Variants in ATP10A observed in about 807,000 individuals in gnomAD.
The protein encoded by ATP10A is phospholipid-transporting ATPase VA.
In ATP10A, 111 loss-of-function variants were observed where a neutral mutation model predicts 147.8. The observed-to-expected ratio is 0.75, with a 90% CI of 0.64 to 0.88. ATP10A has a LOEUF of 0.88. Ranked by LOEUF, ATP10A falls within the 40% of genes least tolerant of loss-of-function variation. ATP10A has a pLI of 0.00. For synonymous variants in ATP10A, 875 were observed against 841.6 expected (o/e 1.04, Z -0.69); for missense variants, 1,927 against 1,959.0 (o/e 0.98, Z 0.31).
Position 25,718,068 on chromosome 15 carries a change from C to T in ATP10A, c.1581+114G>A, listed in dbSNP as rs1006745710. 19 of 1,161,056 alleles carry T rather than the reference C, an allele frequency of 1.6e-5. No individual in the cohort carries two copies. The East Asian group carries it at 3.4e-4, about 21-fold the overall frequency. 71.9% of individuals were successfully genotyped at this position (1,161,056 alleles called of 1,614,324 possible). A position where few individuals can be genotyped will look rare whatever the true frequency, so the allele number is the denominator to read the frequency against. The stretch of plus-strand genomic sequence containing the variant: ...AAGCTTCTGCTGAGTAGAGCCAAGC[C>T]GCCCAGCGACAGTGTATTTGTAGGA... On this transcript the variant is annotated intron_variant, in intron 8 of 20. Transcript: ENST00000555815.
At chr15:25,808,133 C>G (rs1891278317) in intron 1 of ATP10A, among the ~76,000 whole-genome samples, 1 of 152,178 alleles carries the variant, frequency 6.6e-6, no homozygotes, top group African/African-American at 2.4e-5. Context: ...AATATGAAAA[C>G]AGCATTGCCA....
At chr15:25,861,275 G>A (rs1444768699) in intron 1 of ATP10A, among the ~76,000 whole-genome samples, 1 of 152,140 alleles carries the variant, frequency 6.6e-6, no homozygotes, top group Admixed American at 6.5e-5. Context: ...TTTAACAAGC[G>A]CCTTCAGTGA....
intron 2 of ATP10A, among the ~76,000 whole-genome samples, chr15:25,769,141 A>C (rs953331880): frequency 2.6e-5 from 4 of 152,134 alleles, no homozygotes; most frequent in Admixed American, 2.0e-4. Flanking sequence ...TCTGCCCCAT[A>C]GTAAAATCCT....
In ATP10A at chr15:25,724,086, T is replaced by C. The variant is rs1197010525; in HGVS notation, c.980-65A>G. On this transcript the variant is annotated intron_variant, in intron 5 of 20. Transcript: ENST00000555815. ...GAAAAATAAGAATATTGCTAGCGTA[T>C]ATTAAAGCAAAACTTTAATATTTGT... The C allele has an allele frequency of 3.1e-5, 44 of 1,406,630 alleles. No individual in the cohort carries two copies. The South Asian group carries it at 3.2e-4, about 10-fold the overall frequency. The allele number at this position is 1,406,630 out of a possible 1,614,324, so 87.1% of individuals were successfully genotyped here.
rs545923183 is a variant in ATP10A, at chr15:25,775,915, T to C, written c.654+5104A>G. 4.6e-5 allele frequency among the ~76,000 whole-genome samples: 7 copies of C among 152,348 alleles called. No homozygotes were observed. In the South Asian group the frequency reaches 1.2e-3, roughly 27 times the overall value. ...ATTCCAACACTCATCTGACATTTCA[T>C]ATCCCTGTTTCTGCTTTCTCGTCTA... On this transcript the variant is annotated intron_variant, in intron 2 of 20. Coordinates refer to ENST00000555815, the MANE Select transcript of ATP10A (RefSeq NM_024490.4).
At chr15:25,828,863 T>A (rs186863399) in intron 1 of ATP10A, among the ~76,000 whole-genome samples, 73 of 152,350 alleles carry the variant, frequency 4.8e-4, no homozygotes, top group Admixed American at 9.1e-4. Flanking sequence ...TCGGGCACTG[T>A]GATCTTTGAC....
intron 12 of ATP10A, among the ~76,000 whole-genome samples, chr15:25,706,432 A>G (rs990124658): frequency 2.6e-5 from 4 of 152,182 alleles, no homozygotes; most frequent in Non-Finnish European, 1.5e-5. Context: ...CAAGAGCCCA[A>G]AACACTGGGA....
intron 1 of ATP10A, among the ~76,000 whole-genome samples, chr15:25,814,359 C>T (rs970292954): frequency 3.9e-5 from 6 of 152,196 alleles, no homozygotes; most frequent in African/African-American, 1.4e-4. Flanking sequence ...ATGGGCAGAC[C>T]TGTACCATGG....
intron 13 of ATP10A, among the ~76,000 whole-genome samples, chr15:25,695,925 A>G (rs1390322900): frequency 6.6e-6 from 1 of 152,016 alleles, no homozygotes; most frequent in Non-Finnish European, 1.5e-5. Flanking sequence ...CAATTCTGCC[A>G]GGAAAAGAAA....
At chr15:25,727,358 C>T (rs1902643652) in intron 3 of ATP10A, 92 bp from the exon 4 acceptor site, 4 of 1,168,574 alleles carry the variant, frequency 3.4e-6, no homozygotes, top group Non-Finnish European at 5.1e-6. Context: ...GGCCCTGACA[C>T]AATGAAAGCT....
chr15:25,722,920 C>T (rs574746923), intron 6 of ATP10A, among the ~76,000 whole-genome samples: 167 of 152,138 alleles, frequency 1.1e-3, no homozygotes, highest in African/African-American at 3.7e-3. Flanking sequence ...GGGAGGCATG[C>T]GAATTAATAA....
intron 16 of ATP10A, among the ~76,000 whole-genome samples, chr15:25,684,413 G>A (rs920576709): frequency 2.0e-5 from 3 of 152,226 alleles, no homozygotes; most frequent in African/African-American, 7.2e-5. Context: ...CTCAGCCAAT[G>A]CAGCTGCTGT....
At chr15:25,782,064 T>C (rs1002158524) in intron 1 of ATP10A, among the ~76,000 whole-genome samples, 5 of 152,230 alleles carry the variant, frequency 3.3e-5, no homozygotes, top group Admixed American at 1.3e-4. Context: ...CATGTATCCA[T>C]GAACAGGTGA....
intron 3 of ATP10A, among the ~76,000 whole-genome samples, chr15:25,729,045 GACAC>G (rs1168260527): frequency 6.6e-6 from 1 of 152,190 alleles, no homozygotes; most frequent in Non-Finnish European, 1.5e-5. Flanking sequence ...ACTCCACAAA[GACAC>G]ACACAAGAAC....
intron 9 of ATP10A, among the ~76,000 whole-genome samples, chr15:25,716,365 C>T (rs1901807224): frequency 6.6e-6 from 1 of 152,182 alleles, no homozygotes; most frequent in Admixed American, 6.5e-5. Context: ...CTGCCCCAGG[C>T]CAGGCAGCGA....
chr15:25,849,230 G>A (rs1014508054), intron 1 of ATP10A, among the ~76,000 whole-genome samples: 1 of 152,252 alleles, frequency 6.6e-6, no homozygotes, highest in Middle Eastern at 3.4e-3. Context: ...ACACAGAGGG[G>A]GCCGAGGGTG....
At chr15:25,786,474 T>G (rs919951815) in intron 1 of ATP10A, among the ~76,000 whole-genome samples, 1 of 151,148 alleles carries the variant, frequency 6.6e-6, no homozygotes, top group Non-Finnish European at 1.5e-5. Context: ...CCATGTAGTC[T>G]TTTGAACGAC....
chr15:25,863,272 C>CCGGCCCAGCGCGCCCAG lies in ATP10A; in HGVS notation c.-177_-176insCTGGGCGCGCTGGGCCG. 2 of 248,352 alleles carry CCGGCCCAGCGCGCCCAG rather than the reference C, an allele frequency of 8.1e-6. No individual in the cohort carries two copies. The highest frequency in any genetic ancestry group is 1.3e-5 in the Non-Finnish European group (2 of 151,314). 15.4% of individuals were successfully genotyped at this position (248,352 alleles called of 1,614,324 possible). ...CCCAGCGCGCCCAGCCCGCGCCCAG[C>CCGGCCCAGCGCGCCCAG]CCCGTCCACTCCCGTCCAGCCCCGC... On this transcript the variant is annotated 5_prime_UTR_variant, in exon 1 of 21. Coordinates refer to ENST00000555815, the MANE Select transcript of ATP10A (RefSeq NM_024490.4).
intron 9 of ATP10A, 60 bp from the exon 10 acceptor site, chr15:25,714,301 C>A: frequency 6.6e-7 from 1 of 1,521,904 alleles, no homozygotes; most frequent in Non-Finnish European, 8.9e-7. Context: ...AGAGGCCCCA[C>A]CCTGGTTCCC....
Sources: gnomAD v4.1 joint callset for allele counts (sites outside exome capture counted in the v4.1 genomes callset) on GRCh38, gnomAD v4.1.1 for gene constraint, MANE v1.5 for transcripts, NCBI Gene and HGNC (gene_info 2026-07-23, HGNC 2026-07-21) for gene names.